Variants in AKAP19 observed in about 807,000 individuals in gnomAD.
AKAP19 encodes small A-kinase anchoring protein.
At chr2:190,001,423 C>T in the AKAP19 span, among the ~76,000 whole-genome samples, 5 of 152,134 alleles carry the variant, frequency 3.3e-5, no homozygotes, top group Admixed American at 2.0e-4. Context: ...CTGTACAGGA[C>T]CCTGATATTT....
the AKAP19 span, among the ~76,000 whole-genome samples, chr2:190,047,075 A>C: frequency 2.6e-5 from 4 of 152,224 alleles, no homozygotes; most frequent in East Asian, 7.7e-4. Flanking sequence ...GGCTCCCTTC[A>C]CTGACAGTAT....
chr2:190,199,756 A>AG, the AKAP19 span: 1 of 1,526,292 alleles, frequency 6.6e-7, no homozygotes. Context: ...TGCCCTGGAG[A>AG]GGGAAAGCAC....
chr2:190,182,880 TTTC>T, the AKAP19 span, among the ~76,000 whole-genome samples: 8 of 152,244 alleles, frequency 5.3e-5, no homozygotes, highest in African/African-American at 1.7e-4. Flanking sequence ...TGAATCTGAA[TTTC>T]TTTTTTCTCT....
chr2:189,915,397 A>G, the AKAP19 span, among the ~76,000 whole-genome samples: 2 of 152,174 alleles, frequency 1.3e-5, no homozygotes, highest in Non-Finnish European at 2.9e-5. Context: ...TTCCTCTGTC[A>G]GGATAGTCAT....
At chr2:190,099,834 T>G in the AKAP19 span, among the ~76,000 whole-genome samples, 7 of 152,362 alleles carry the variant, frequency 4.6e-5, no homozygotes, top group Admixed American at 2.6e-4. Flanking sequence ...TGGGAATGAA[T>G]CCTTAACTCT....
At chr2:190,047,209 C>T in the AKAP19 span, among the ~76,000 whole-genome samples, 14 of 152,168 alleles carry the variant, frequency 9.2e-5, no homozygotes, top group Non-Finnish European at 1.9e-4. Context: ...GAACTTCTCA[C>T]AGGACCTGGA....
chr2:189,900,659 T>C, the AKAP19 span, among the ~76,000 whole-genome samples: 2 of 152,208 alleles, frequency 1.3e-5, no homozygotes, highest in African/African-American at 4.8e-5. Context: ...TTAGAACTAC[T>C]ATACTGGGGA....
chr2:189,987,834 C>T, the AKAP19 span, among the ~76,000 whole-genome samples: 8 of 152,158 alleles, frequency 5.3e-5, no homozygotes, highest in African/African-American at 1.9e-4. Context: ...AGGGGTTCAC[C>T]TTGCCCGCTG....
chr2:190,099,565 A>G, the AKAP19 span, among the ~76,000 whole-genome samples: 1 of 152,210 alleles, frequency 6.6e-6, no homozygotes, highest in South Asian at 2.1e-4. Context: ...TTTGAAATCA[A>G]TTGCAAGAAT....
At chr2:190,038,943 CTTCTTCT>C in the AKAP19 span, among the ~76,000 whole-genome samples, 1 of 144,222 alleles carries the variant, frequency 6.9e-6, no homozygotes, top group African/African-American at 2.7e-5. Flanking sequence ...TCTTCTTCTT[CTTCTTCT>C]TCTTCTTCTT....
At chr2:190,075,112 A>G in the AKAP19 span, among the ~76,000 whole-genome samples, 34 of 152,208 alleles carry the variant, frequency 2.2e-4, no homozygotes, top group South Asian at 4.1e-4. Context: ...CACACACAAT[A>G]CAAAATATTT....
the AKAP19 span, chr2:190,200,011 C>T: frequency 3.7e-6 from 6 of 1,613,894 alleles, no homozygotes; most frequent in African/African-American, 8.0e-5. Context: ...AGTGAAGGAA[C>T]CTCCAGGGAC....
the AKAP19 span, among the ~76,000 whole-genome samples, chr2:190,076,344 A>T: frequency 6.6e-6 from 1 of 152,176 alleles, no homozygotes; most frequent in Non-Finnish European, 1.5e-5. Flanking sequence ...AATGCCTTCA[A>T]ACATTGCCAA....
the AKAP19 span, among the ~76,000 whole-genome samples, chr2:190,109,818 A>C: frequency 2.0e-5 from 3 of 152,176 alleles, no homozygotes; most frequent in Non-Finnish European, 2.9e-5. Context: ...GGGCTCACAT[A>C]ACAAAATGAA....
chr2:189,901,371 C>T, the AKAP19 span, among the ~76,000 whole-genome samples: 3 of 152,212 alleles, frequency 2.0e-5, no homozygotes, highest in East Asian at 5.8e-4. Context: ...CAGAGTCTCA[C>T]TCACTTGCCC....
chr2:190,190,320 TC>T, the AKAP19 span, among the ~76,000 whole-genome samples: 1 of 152,210 alleles, frequency 6.6e-6, no homozygotes, highest in Admixed American at 6.5e-5. Flanking sequence ...ATATGATCCA[TC>T]TTTTTTATCT....
At chr2:190,026,187 G>A in the AKAP19 span, among the ~76,000 whole-genome samples, 3 of 152,130 alleles carry the variant, frequency 2.0e-5, no homozygotes, top group African/African-American at 7.2e-5. Context: ...CTCCAGGGAT[G>A]GGTAAACTAC....
chr2:190,080,682 G>C, the AKAP19 span, among the ~76,000 whole-genome samples: 1 of 152,228 alleles, frequency 6.6e-6, no homozygotes, highest in Admixed American at 6.5e-5. Flanking sequence ...ATTGGTCCAG[G>C]TTCTTTGGCC....
the AKAP19 span, among the ~76,000 whole-genome samples, chr2:190,145,242 A>C: frequency 2.0e-5 from 3 of 152,234 alleles, no homozygotes; most frequent in African/African-American, 7.2e-5. Context: ...AGCAGAGATC[A>C]CATGACAGAG....
Sources: gnomAD v4.1 joint callset for allele counts (sites outside exome capture counted in the v4.1 genomes callset) on GRCh38, gnomAD v4.1.1 for gene constraint, MANE v1.5 for transcripts, NCBI Gene and HGNC (gene_info 2026-07-23, HGNC 2026-07-21) for gene names.